Variants in MOCOS observed in about 807,000 individuals in gnomAD.
MOCOS encodes molybdenum cofactor sulfurase.
Under a neutral mutation model 83.6 loss-of-function variants are expected in MOCOS, and 86 were observed. The observed-to-expected ratio is 1.03, with a 90% CI of 0.86 to 1.23. MOCOS has a LOEUF of 1.23. MOCOS is among the 50% of genes most tolerant of loss of function. The pLI is 0.00. For synonymous variants in MOCOS, 445 were observed against 434.7 expected, an observed-to-expected ratio of 1.02 and a Z score of -0.29; for missense variants, 1,120 against 1,126.9, an observed-to-expected ratio of 0.99 and a Z score of 0.09.
chr18:36,204,653 T>C (rs1029248964), intron 5 of MOCOS, among the ~76,000 whole-genome samples: 7 of 152,140 alleles, frequency 4.6e-5, no homozygotes, highest in African/African-American at 1.7e-4. Flanking sequence ...AAATTATTAA[T>C]GTGAGGTCCA....
intron 1 of MOCOS, among the ~76,000 whole-genome samples, chr18:36,194,670 A>G (rs1046566766): frequency 6.6e-6 from 1 of 152,228 alleles, no homozygotes; most frequent in African/African-American, 2.4e-5. Context: ...GCCGTGTACC[A>G]GTGAGCTTGT....
In MOCOS at chr18:36,220,213, C is replaced by A. The variant is rs769549080; in HGVS notation, c.1956C>A (p.Ala652=). Residue 652 remains alanine (A), a synonymous_variant, in exon 9 of 15, where the codon GCC becomes GCA. Coordinates refer to ENST00000261326, the MANE Select transcript of MOCOS (RefSeq NM_017947.4). Reference sequence around the variant, plus strand: ...GGCAAAGGATCATGGTCATCAAAGCCAAAGGTGGGAAAACTGCTTCATTTT... The same window carrying A: ...GGCAAAGGATCATGGTCATCAAAGCAAAAGGTGGGAAAACTGCTTCATTTT... ...DLRQRIMVIK[A]KGMEPIEVPL... is the part of the protein sequence containing the mutation. 6 of 1,613,904 alleles carry A rather than the reference C, an allele frequency of 3.7e-6. 1 individual carries two copies. The South Asian group carries it at 6.6e-5, about 18-fold the overall frequency.
At chr18:36,265,466 T>A (rs2091678814) in intron 13 of MOCOS, among the ~76,000 whole-genome samples, 1 of 152,218 alleles carries the variant, frequency 6.6e-6, no homozygotes, top group African/African-American at 2.4e-5. Context: ...TAGGTGAGTG[T>A]TTCTAATTTC....
At chr18:36,240,834 G>A (rs1402316188) in intron 9 of MOCOS, among the ~76,000 whole-genome samples, 1 of 152,134 alleles carries the variant, frequency 6.6e-6, no homozygotes, top group Non-Finnish European at 1.5e-5. Context: ...ATAATCTCGT[G>A]GTGCGCCGTT....
intron 9 of MOCOS, among the ~76,000 whole-genome samples, chr18:36,247,444 T>A (rs993153810): frequency 9.9e-5 from 15 of 152,218 alleles, no homozygotes; most frequent in Admixed American, 3.3e-4. Flanking sequence ...AAAGTCAAGC[T>A]AGGAGCTTCC....
chr18:36,202,775 G>A (rs967988985), intron 4 of MOCOS, among the ~76,000 whole-genome samples: 5 of 152,178 alleles, frequency 3.3e-5, no homozygotes, highest in Admixed American at 3.3e-4. Context: ...AATCATGGCG[G>A]AAAGGGAAGC....
intron 9 of MOCOS, among the ~76,000 whole-genome samples, chr18:36,235,132 A>T (rs610008): frequency 0.6 from 91,253 of 151,620 alleles, 28,446 homozygotes; most frequent in African/African-American, 0.74. Context: ...CAATTTTTTT[A>T]AATTTTTTTA....
intron 12 of MOCOS, among the ~76,000 whole-genome samples, chr18:36,259,774 A>G (rs2144151359): frequency 6.6e-6 from 1 of 152,284 alleles, no homozygotes; most frequent in East Asian, 1.9e-4. Context: ...TCTTCAGCTA[A>G]GATCTGCTCG....
intron 9 of MOCOS, among the ~76,000 whole-genome samples, chr18:36,246,979 G>T (rs529368943): frequency 6.6e-6 from 1 of 152,078 alleles, no homozygotes; most frequent in East Asian, 1.9e-4. Flanking sequence ...CCATCAGGTG[G>T]GGGCAGGTTA....
At chr18:36,195,762 T>C (rs570476477) in intron 2 of MOCOS, among the ~76,000 whole-genome samples, 53 of 152,208 alleles carry the variant, frequency 3.5e-4, no homozygotes, top group Non-Finnish European at 6.6e-4. Context: ...AATAAACATA[T>C]CCCTTTCTTC....
intron 6 of MOCOS, among the ~76,000 whole-genome samples, chr18:36,209,505 CT>C (rs1046059057): frequency 4.3e-4 from 66 of 152,204 alleles, no homozygotes; most frequent in Middle Eastern, 3.4e-3. Flanking sequence ...CCCTTCCCCC[CT>C]GAGTCCCCAA....
At chr18:36,203,426 A>G (rs1422920803) in intron 5 of MOCOS, among the ~76,000 whole-genome samples, 2 of 152,236 alleles carry the variant, frequency 1.3e-5, no homozygotes, top group Admixed American at 1.3e-4. Flanking sequence ...GGTAGAAGAC[A>G]TTCCAAATCA....
chr18:36,211,799 A>G (rs977639127), intron 6 of MOCOS, among the ~76,000 whole-genome samples: 1 of 151,372 alleles, frequency 6.6e-6, no homozygotes, highest in Middle Eastern at 3.4e-3. Context: ...AGGGCTGGGG[A>G]TCTGTGGGTC....
At chr18:36,248,591 C>G (rs1212146794) in intron 9 of MOCOS, among the ~76,000 whole-genome samples, 1 of 152,158 alleles carries the variant, frequency 6.6e-6, no homozygotes, top group South Asian at 2.1e-4. Flanking sequence ...ATTTAAATCT[C>G]TAATCCATTT....
intron 6 of MOCOS, among the ~76,000 whole-genome samples, chr18:36,211,151 A>T (rs1369543350): frequency 6.6e-6 from 1 of 152,162 alleles, no homozygotes; most frequent in Admixed American, 6.5e-5. Context: ...CGATATGGGA[A>T]TTTCCACAGG....
chr18:36,257,123 T>TG, intron 12 of MOCOS, 50 bp downstream of exon 12: 1 of 1,504,318 alleles, frequency 6.6e-7, no homozygotes, highest in Non-Finnish European at 9.3e-7. Context: ...CATTTGCCAC[T>TG]GGGAGCAGGG....
rs1390822702 is a variant in MOCOS, at chr18:36,263,083, T to A, written c.2409+2908T>A. 3.3e-5 allele frequency among the ~76,000 whole-genome samples: 5 copies of A among 152,162 alleles called. No individual in the cohort carries two copies. The East Asian group carries it at 9.6e-4, about 29-fold the overall frequency. ...ATGATGAAGCCACTGCCCTCCAGCCTGGGTGACAGAGCAAGACCCTGTCTC... is the reference window on the plus strand; with the variant it reads ...ATGATGAAGCCACTGCCCTCCAGCCAGGGTGACAGAGCAAGACCCTGTCTC... On this transcript the variant is annotated intron_variant, in intron 13 of 14. Coordinates refer to ENST00000261326, the MANE Select transcript of MOCOS (RefSeq NM_017947.4).
intron 9 of MOCOS, 131 bp downstream of exon 9, chr18:36,220,348 A>C (rs1171529344): frequency 1.6e-6 from 2 of 1,253,310 alleles, no homozygotes; most frequent in African/African-American, 3.0e-5. Context: ...TCTACAAAAA[A>C]AAAAAAAAAA....
In MOCOS at chr18:36,215,529, G is replaced by T; in HGVS notation, c.1349G>T (p.Cys450Phe). ...VRKHFQAGHV[C>F]GDNMDLIDGQ... The stretch of plus-strand genomic sequence containing the variant: ...CTCTTATCCTAGGCTGGTCATGTCT[G>T]TGGGGACAATATGGACCTCATAGAT... The change falls in exon 8 of 15, where the codon TGT becomes TTT. Residue 450 changes from cysteine (C) to phenylalanine (F), a missense_variant. Physicochemically the swap from Cys to Phe is radical, Grantham distance 205. Transcript: ENST00000261326. 1 of 1,614,012 alleles carries T rather than the reference G, an allele frequency of 6.2e-7. No homozygotes were observed. Among genetic ancestry groups the T allele is most frequent in the Non-Finnish European group, 8.5e-7 (1 of 1,179,976 alleles).
Sources: gnomAD v4.1 joint callset for allele counts (sites outside exome capture counted in the v4.1 genomes callset) on GRCh38, gnomAD v4.1.1 for gene constraint, MANE v1.5 for transcripts, NCBI Gene and HGNC (gene_info 2026-07-23, HGNC 2026-07-21) for gene names.